Variants in DAAM2 observed in about 807,000 individuals in gnomAD.
DAAM2 encodes the protein dishevelled associated activator of morphogenesis 2.
Under a neutral mutation model 120.7 loss-of-function variants are expected in DAAM2, and 39 were observed. The ratio of observed to expected loss-of-function variants is 0.32; its 90% CI spans 0.25 to 0.42. The LOEUF (loss-of-function observed/expected upper bound fraction) is 0.42. DAAM2 is among the 10% of genes least tolerant of loss of function. The pLI, the probability that DAAM2 is intolerant of heterozygous loss-of-function variation, is 1.00. For synonymous variants in DAAM2, 488 were observed against 524.9 expected (o/e 0.93, Z 0.96); for missense variants, 1,283 against 1,401.7 (o/e 0.92, Z 1.35).
At position 39,794,353 on chromosome 6, in the gene DAAM2, A is replaced by G. The variant is rs139784787; in HGVS notation, c.-57+1888A>G. On this transcript the variant is annotated intron_variant, in intron 1 of 24. Transcript: ENST00000274867. ...CCCCATTTCTTCCTTTATGCAAACA[A>G]CTGTGCTATTATTGTCTTGCTCCCT... Among the ~76,000 whole-genome samples, 4 of 152,202 alleles carry G rather than the reference A, an allele frequency of 2.6e-5. No homozygotes were observed. In the East Asian group the frequency reaches 7.7e-4, roughly 29 times the overall value.
intron 9 of DAAM2, 116 bp from the exon 10 acceptor site, chr6:39,873,122 G>C (rs1006255866): frequency 1.5e-6 from 1 of 685,526 alleles, no homozygotes; most frequent in African/African-American, 1.8e-5. Context: ...GCCAGAGGCA[G>C]GGGAAGAAAA....
chr6:39,866,445 CACAAAT>C (rs1764435159), intron 5 of DAAM2, among the ~76,000 whole-genome samples: 1 of 152,138 alleles, frequency 6.6e-6, no homozygotes, highest in African/African-American at 2.4e-5. Flanking sequence ...ATAACATAAA[CACAAAT>C]ACGCTTGGGA....
chr6:39,877,705 C>T (rs1764927338), intron 11 of DAAM2, among the ~76,000 whole-genome samples: 1 of 152,220 alleles, frequency 6.6e-6, no homozygotes, highest in African/African-American at 2.4e-5. Context: ...CAAGGCTGTC[C>T]TCTGTGTCAC....
intron 1 of DAAM2, among the ~76,000 whole-genome samples, chr6:39,801,484 C>A (rs971592396): frequency 1.3e-5 from 2 of 152,208 alleles, no homozygotes; most frequent in Non-Finnish European, 2.9e-5. Flanking sequence ...TCTACCTCAC[C>A]TGTGCTTCTG....
intron 1 of DAAM2, chr6:39,820,907 A>G (rs1417469693): frequency 6.6e-6 from 1 of 152,242 alleles, no homozygotes. Context: ...AATATTTCTT[A>G]TGGGTTATTG....
At chr6:39,826,895 T>C (rs1416063956) in intron 1 of DAAM2, among the ~76,000 whole-genome samples, 1 of 152,088 alleles carries the variant, frequency 6.6e-6, no homozygotes, top group Non-Finnish European at 1.5e-5. Context: ...AGAGAAAATC[T>C]GAGGTGAGGA....
At position 39,889,210 on chromosome 6, in the gene DAAM2, G is replaced by T. The variant is rs147498939; in HGVS notation, c.2145+447G>T. ...TAACAAAGATCATATTCAGAACAAA[G>T]AACTCTACAAATCAATGAGAAAATG... On this transcript the variant is annotated intron_variant, in intron 17 of 24. Coordinates refer to ENST00000274867, the MANE Select transcript of DAAM2 (RefSeq NM_001201427.2). 4.1e-3 allele frequency among the ~76,000 whole-genome samples: 628 copies of T among 152,208 alleles called. 2 individuals are homozygous for T. Among genetic ancestry groups the T allele is most frequent in the African/African-American group, 0.014 (599 of 41,520 alleles).
chr6:39,835,045 A>T (rs1312084305), intron 1 of DAAM2, among the ~76,000 whole-genome samples: 1 of 152,216 alleles, frequency 6.6e-6, no homozygotes, highest in African/African-American at 2.4e-5. Context: ...TTCCCGCATT[A>T]TGTCATGACT....
Position 39,904,589 on chromosome 6 carries a change from T to G in DAAM2, c.*2552T>G. 1 of 447,500 alleles carries G rather than the reference T, an allele frequency of 2.2e-6. No homozygotes were observed. Among genetic ancestry groups the G allele is most frequent in the Non-Finnish European group, 4.4e-6 (1 of 225,746 alleles). 27.7% of individuals were successfully genotyped at this position (447,500 alleles called of 1,614,324 possible). On this transcript the variant is annotated 3_prime_UTR_variant, in exon 25 of 25. Transcript: ENST00000274867. ...TCTCCCCTGTGATGGAAATAAAGTG[T>G]TTAGGGCAGTGGGAGGAGAAAATTC...
chr6:39,839,298 T>G (rs1053396996), intron 1 of DAAM2, among the ~76,000 whole-genome samples: 1 of 152,208 alleles, frequency 6.6e-6, no homozygotes, highest in Non-Finnish European at 1.5e-5. Flanking sequence ...GGGAACTTGT[T>G]AAAATGCAGA....
chr6:39,867,321 T>C lies in DAAM2; in HGVS notation c.429-189T>C, dbSNP rs1764471736. Reference sequence around the variant, plus strand: ...ATATGCAAATACAGAGTATTTAAAATGCAAATAAGACACAAGTCTTTTGTG... The same window carrying C: ...ATATGCAAATACAGAGTATTTAAAACGCAAATAAGACACAAGTCTTTTGTG... On this transcript the variant is annotated intron_variant, in intron 5 of 24. Coordinates refer to ENST00000274867, the MANE Select transcript of DAAM2 (RefSeq NM_001201427.2). 8 of 602,706 alleles carry C rather than the reference T, an allele frequency of 1.3e-5. No individual in the cohort carries two copies. The East Asian group carries it at 2.2e-4, about 17-fold the overall frequency. 37.3% of individuals were successfully genotyped at this position (602,706 alleles called of 1,614,324 possible). A position where few individuals can be genotyped will look rare whatever the true frequency, so the allele number is the denominator to read the frequency against.
chr6:39,839,030 C>A (rs909206436), intron 1 of DAAM2, among the ~76,000 whole-genome samples: 1 of 152,046 alleles, frequency 6.6e-6, no homozygotes, highest in Non-Finnish European at 1.5e-5. Context: ...GTGGTCCCCC[C>A]TCTCTCTCCT....
At chr6:39,835,627 A>ACATCTAC (rs1367986626) in intron 1 of DAAM2, among the ~76,000 whole-genome samples, 1 of 152,232 alleles carries the variant, frequency 6.6e-6, no homozygotes, top group Non-Finnish European at 1.5e-5. Context: ...CATATGGAGG[A>ACATCTAC]AGGAACTCTT....
At chr6:39,875,205 A>G in intron 10 of DAAM2, 125 bp from the exon 11 acceptor site, 1 of 1,015,422 alleles carries the variant, frequency 9.8e-7, no homozygotes, top group East Asian at 2.5e-5. Flanking sequence ...CTTCTTCTAG[A>G]CTGGGAGCTT....
intron 2 of DAAM2, among the ~76,000 whole-genome samples, chr6:39,857,605 G>A (rs1301271125): frequency 1.3e-5 from 2 of 152,190 alleles, no homozygotes; most frequent in African/African-American, 2.4e-5. Flanking sequence ...CTTGAGTAGA[G>A]TGAGTTTTGA....
In DAAM2 at chr6:39,904,516, T is replaced by C. The variant is rs752409092; in HGVS notation, c.*2479T>C. ...TTTCTCTAGCTAATTTTGTGGCCAA[T>C]GTAAAATTCGTCATCAACCTAACAA... On this transcript the variant is annotated 3_prime_UTR_variant, in exon 25 of 25. Coordinates refer to ENST00000274867, the MANE Select transcript of DAAM2 (RefSeq NM_001201427.2). 2 of 454,366 alleles carry C rather than the reference T, an allele frequency of 4.4e-6. No individual in the cohort carries two copies. Among genetic ancestry groups the C allele is most frequent in the South Asian group, 3.1e-5 (2 of 64,482 alleles). The allele number at this position is 454,366 out of a possible 1,614,324, so 28.1% of individuals were successfully genotyped here. A position where few individuals can be genotyped will look rare whatever the true frequency, so the allele number is the denominator to read the frequency against.
intron 1 of DAAM2, among the ~76,000 whole-genome samples, chr6:39,836,123 C>T (rs932335453): frequency 6.6e-6 from 1 of 152,096 alleles, no homozygotes; most frequent in Non-Finnish European, 1.5e-5. Flanking sequence ...TAAATCCCAG[C>T]CCCTCTGCCG....
chr6:39,805,154 G>A (rs956328671), intron 1 of DAAM2, among the ~76,000 whole-genome samples: 11 of 152,200 alleles, frequency 7.2e-5, no homozygotes, highest in Admixed American at 1.3e-4. Flanking sequence ...ACAGCAAGAA[G>A]CATCTAAGGG....
At chr6:39,812,259 C>A (rs1762186534) in intron 1 of DAAM2, among the ~76,000 whole-genome samples, 1 of 152,186 alleles carries the variant, frequency 6.6e-6, no homozygotes, top group Admixed American at 6.5e-5. Flanking sequence ...TAATACCTAC[C>A]ATGTATGGAG....
Sources: allele counts gnomAD v4.1 joint callset (sites outside exome capture counted in the v4.1 genomes callset), GRCh38; gene constraint gnomAD v4.1.1; transcripts MANE v1.5; gene names NCBI Gene and HGNC (gene_info 2026-07-23, HGNC 2026-07-21).